Variants in GSE1 observed in about 807,000 individuals in gnomAD.
GSE1 encodes the protein Gse1 coiled-coil protein, also known as genetic suppressor element 1.
A neutral mutation model predicts 112.6 loss-of-function variants in GSE1; 32 were observed. The ratio of observed to expected loss-of-function variants is 0.28; its 90% CI spans 0.21 to 0.38. The LOEUF (loss-of-function observed/expected upper bound fraction) is 0.38. Ranked by LOEUF, GSE1 falls within the 10% of genes least tolerant of loss-of-function variation. The probability of loss-of-function intolerance (pLI) is 1.00; values close to 1 mark genes in which losing one functional copy is unlikely to be tolerated. For missense variants in GSE1, 2,348 were observed against 1,699.2 expected (o/e 1.38, Z -6.71); for synonymous variants, 1,115 against 735.6 (o/e 1.52, Z -8.35).
chr16:85,483,183 A>G (rs1327729079), intron 2 of GSE1, among the ~76,000 whole-genome samples: 1 of 152,238 alleles, frequency 6.6e-6, no homozygotes, highest in Non-Finnish European at 1.5e-5. Context: ...CATCCCCAAG[A>G]CATCTCACTG....
intron 1 of GSE1, among the ~76,000 whole-genome samples, chr16:85,604,978 C>G (rs1482288694): frequency 6.9e-6 from 1 of 144,524 alleles, no homozygotes; most frequent in Non-Finnish European, 1.5e-5. Context: ...CCACCACGCC[C>G]GGCTAGTTTT....
intron 2 of GSE1, among the ~76,000 whole-genome samples, chr16:85,411,310 C>G (rs1440913449): frequency 3.5e-4 from 6 of 17,306 alleles, no homozygotes; most frequent in African/African-American, 1.3e-3. Context: ...CACTCAGGCC[C>G]CCCGGATAAT....
At chr16:85,285,283 G>A (rs78717255) in intron 1 of GSE1, 1 of 152,104 alleles carries the variant, frequency 6.6e-6, no homozygotes, top group Admixed American at 6.5e-5. Flanking sequence ...GTGTGTGCTT[G>A]TCGATGTAGC....
intron 1 of GSE1, among the ~76,000 whole-genome samples, chr16:85,598,641 G>GGGCA (rs1013230069): frequency 3.3e-5 from 5 of 152,348 alleles, no homozygotes; most frequent in Admixed American, 2.0e-4. Flanking sequence ...GACGCCTTCT[G>GGGCA]GGCAGGCAGG....
chr16:85,455,618 C>T (rs1323551122), intron 2 of GSE1, among the ~76,000 whole-genome samples: 4 of 152,302 alleles, frequency 2.6e-5, no homozygotes, highest in Middle Eastern at 3.4e-3. Flanking sequence ...AACTCAGCCC[C>T]GTTTGGAATT....
At chr16:85,516,948 T>C (rs1016222583) in intron 2 of GSE1, among the ~76,000 whole-genome samples, 129 of 152,146 alleles carry the variant, frequency 8.5e-4, no homozygotes, top group African/African-American at 2.8e-3. Flanking sequence ...CAGGCGCCTG[T>C]CACCACGCCC....
chr16:85,582,436 T>TG lies in GSE1; in HGVS notation c.37+26077dup, dbSNP rs373242644. 3.3e-3 allele frequency among the ~76,000 whole-genome samples: 503 copies of TG among 152,256 alleles called. 2 individuals are homozygous for TG. The highest frequency in any genetic ancestry group is 0.012 in the African/African-American group (481 of 41,540). ...AGTGCAGGAGAGGAAATGGTGTTCT[T>TG]GGGGCCTTTTTGGGGACTGGCCAGA... On this transcript the variant is annotated intron_variant, in intron 1 of 2. Coordinates refer to the GSE1 transcript ENST00000635906.
intron 2 of GSE1, among the ~76,000 whole-genome samples, chr16:85,543,210 C>CAAAAAA (rs527634392): frequency 1.5e-5 from 1 of 68,668 alleles, no homozygotes. Context: ...GACTCCATCT[C>CAAAAAA]AAAAAAAAAA....
intron 2 of GSE1, among the ~76,000 whole-genome samples, chr16:85,541,351 C>T (rs529778102): frequency 2.0e-5 from 3 of 152,366 alleles, no homozygotes; most frequent in Non-Finnish European, 4.4e-5. Flanking sequence ...ACTTTCTCCA[C>T]TGTGCCCTGC....
exon 1 of GSE1, chr16:85,170,652 G>A: frequency 1.0e-6 from 1 of 985,582 alleles, no homozygotes; most frequent in East Asian, 1.1e-4. Flanking sequence ...GGGCCCCGCT[G>A]TCCCCGGCCT....
chr16:85,342,467 T>C (rs1022277442), intron 1 of GSE1, among the ~76,000 whole-genome samples: 2 of 152,150 alleles, frequency 1.3e-5, no homozygotes, highest in Non-Finnish European at 2.9e-5. Context: ...AGTCATTGTG[T>C]CACGCTCATC....
chr16:85,227,028 C>T (rs563235469), intron 1 of GSE1, among the ~76,000 whole-genome samples: 2 of 151,188 alleles, frequency 1.3e-5, no homozygotes, highest in East Asian at 2.0e-4. Context: ...CATTCACCCA[C>T]CCACCCATTT....
chr16:85,180,580 T>C (rs1409643789), intron 1 of GSE1, among the ~76,000 whole-genome samples: 1 of 152,236 alleles, frequency 6.6e-6, no homozygotes, highest in Non-Finnish European at 1.5e-5. Flanking sequence ...CACGTGACTG[T>C]CTCACTGTCT....
At chr16:85,242,454 C>T (rs957505664) in intron 1 of GSE1, among the ~76,000 whole-genome samples, 6 of 152,256 alleles carry the variant, frequency 3.9e-5, no homozygotes, top group East Asian at 1.9e-4. Flanking sequence ...ATCTTTCTGT[C>T]GGTGCCCCGC....
At chr16:85,260,463 C>T (rs1203383794) in intron 1 of GSE1, among the ~76,000 whole-genome samples, 1 of 151,634 alleles carries the variant, frequency 6.6e-6, no homozygotes, top group Non-Finnish European at 1.5e-5. Flanking sequence ...GCTGGGATTA[C>T]AGGTGCCCGC....
At chr16:85,395,376 A>G (rs1200798690) in intron 2 of GSE1, among the ~76,000 whole-genome samples, 1 of 152,192 alleles carries the variant, frequency 6.6e-6, no homozygotes, top group African/African-American at 2.4e-5. Context: ...CAGGCTCCTC[A>G]TGTGAGAAGG....
intron 2 of GSE1, among the ~76,000 whole-genome samples, chr16:85,413,179 G>C (rs186239943): frequency 2.0e-5 from 3 of 152,198 alleles, no homozygotes; most frequent in Admixed American, 6.5e-5. Flanking sequence ...TGGAAGTGCC[G>C]CTCCCATCCG....
At chr16:85,328,545 G>A (rs2046273937) in intron 1 of GSE1, among the ~76,000 whole-genome samples, 1 of 152,216 alleles carries the variant, frequency 6.6e-6, no homozygotes, top group Non-Finnish European at 1.5e-5. Flanking sequence ...AAAATGGGGT[G>A]GGAGGTGCCC....
chr16:85,411,018 CCT>C (rs1567748937), intron 2 of GSE1, among the ~76,000 whole-genome samples: 2 of 84,086 alleles, frequency 2.4e-5, no homozygotes, highest in Non-Finnish European at 2.2e-5. Context: ...TCAGAGCCCC[CCT>C]GGATAATCCT....
Sources: gnomAD v4.1 joint callset for allele counts (sites outside exome capture counted in the v4.1 genomes callset) on GRCh38, gnomAD v4.1.1 for gene constraint, MANE v1.5 for transcripts, NCBI Gene and HGNC (gene_info 2026-07-23, HGNC 2026-07-21) for gene names.